Variants in KCNH5 observed in about 807,000 individuals in gnomAD.
KCNH5 encodes potassium voltage-gated channel subfamily H member 5.
A neutral mutation model predicts 96.1 loss-of-function variants in KCNH5; 46 were observed. The observed-to-expected ratio is 0.48, with a 90% CI of 0.38 to 0.61. The LOEUF is 0.61. KCNH5 is among the 20% of genes least tolerant of loss of function. The pLI is 0.00. For synonymous variants in KCNH5, 439 were observed against 449.8 expected, an observed-to-expected ratio of 0.98 and a Z score of 0.30; for missense variants, 907 against 1,225.8, an observed-to-expected ratio of 0.74 and a Z score of 3.88.
intron 7 of KCNH5, among the ~76,000 whole-genome samples, chr14:62,860,737 C>T (rs1173418124): frequency 2.6e-5 from 4 of 152,204 alleles, no homozygotes; most frequent in Non-Finnish European, 5.9e-5. Flanking sequence ...CTTAAGGCAT[C>T]ACACCCTCCT....
At chr14:62,968,698 T>A (rs1890350279) in intron 6 of KCNH5, among the ~76,000 whole-genome samples, 1 of 152,212 alleles carries the variant, frequency 6.6e-6, no homozygotes, top group Admixed American at 6.5e-5. Flanking sequence ...GGAAATGTGG[T>A]ATGCCTCATT....
rs1884476768 is a variant in KCNH5, at chr14:62,708,039, C to G, written c.2436G>C (p.Leu812=). The change falls in exon 11 of 11, where the codon CTG becomes CTC. Residue 812 remains leucine (L), a synonymous_variant. Coordinates refer to ENST00000322893, the MANE Select transcript of KCNH5 (RefSeq NM_139318.5). ...GGGCTCCCATATTATTCTTGAGTCG[C>G]AGCCACCCTTTTCCATTTCCATTCT... is the stretch of plus-strand genomic sequence containing the variant. ...RMKNGNGKGW[L]RLKNNMGAHE... 6.2e-7 allele frequency: 1 copy of G among 1,614,212 alleles called. No homozygotes were observed. The highest frequency in any genetic ancestry group is 1.3e-5 in the African/African-American group (1 of 75,036).
intron 2 of KCNH5, among the ~76,000 whole-genome samples, chr14:63,014,102 A>G (rs1021338900): frequency 6.6e-6 from 1 of 152,174 alleles, no homozygotes; most frequent in African/African-American, 2.4e-5. Context: ...CAAGTAAGTA[A>G]TAATTGTTTA....
intron 7 of KCNH5, among the ~76,000 whole-genome samples, chr14:62,875,398 A>C (rs1475653258): frequency 6.6e-6 from 1 of 152,192 alleles, no homozygotes; most frequent in Non-Finnish European, 1.5e-5. Flanking sequence ...ATCCTAAGCC[A>C]AAAGAACAAA....
intron 7 of KCNH5, among the ~76,000 whole-genome samples, chr14:62,874,365 A>C (rs1420615134): frequency 2.0e-5 from 3 of 152,220 alleles, no homozygotes; most frequent in Non-Finnish European, 2.9e-5. Context: ...ATATGTAAAA[A>C]AGCTCAACAT....
At chr14:62,854,955 T>G (rs1189277196) in intron 7 of KCNH5, among the ~76,000 whole-genome samples, 2 of 150,756 alleles carry the variant, frequency 1.3e-5, no homozygotes, top group Non-Finnish European at 3.0e-5. Context: ...ATCCCTTGAA[T>G]GTAGGCATAC....
chr14:62,931,649 A>G (rs1339826372), intron 7 of KCNH5, among the ~76,000 whole-genome samples: 2 of 152,178 alleles, frequency 1.3e-5, no homozygotes, highest in African/African-American at 4.8e-5. Context: ...TATGCAGTAC[A>G]GAGCCACTAA....
chr14:62,720,884 A>G (rs1027018280), intron 10 of KCNH5, among the ~76,000 whole-genome samples: 6 of 152,226 alleles, frequency 3.9e-5, no homozygotes, highest in Admixed American at 2.0e-4. Context: ...GCATGCACAC[A>G]CACACACTGT....
chr14:62,809,595 A>T (rs957812174), intron 8 of KCNH5, among the ~76,000 whole-genome samples: 3 of 152,116 alleles, frequency 2.0e-5, no homozygotes, highest in African/African-American at 7.2e-5. Context: ...GCTTTAAAAA[A>T]GTCTTATATG....
At chr14:62,988,958 A>G (rs1198935001) in intron 4 of KCNH5, among the ~76,000 whole-genome samples, 1 of 151,974 alleles carries the variant, frequency 6.6e-6, no homozygotes, top group Non-Finnish European at 1.5e-5. Context: ...AATGGCCCCA[A>G]GATATTTCTA....
intron 1 of KCNH5, among the ~76,000 whole-genome samples, chr14:63,037,654 G>A (rs1335624267): frequency 1.3e-5 from 2 of 152,138 alleles, no homozygotes; most frequent in African/African-American, 4.8e-5. Context: ...CAGGACAAAG[G>A]TTAACTTTTC....
rs540231418 is a variant in KCNH5 at position 62,723,844 on chromosome 14, G to T, written c.2020-15389C>A. On this transcript the variant is annotated intron_variant, in intron 10 of 10. Transcript: ENST00000322893. ...AGATATCAACTGCTTATTTTGAATT[G>T]AATGAGCATGTGTTCACCCAGGTCC... Among the ~76,000 whole-genome samples, 256 of 152,266 alleles carry T rather than the reference G, an allele frequency of 1.7e-3. 2 individuals are homozygous for T. Among genetic ancestry groups the T allele is most frequent in the African/African-American group, 6.0e-3 (251 of 41,554 alleles).
At chr14:62,815,890 C>A (rs943111260) in intron 8 of KCNH5, among the ~76,000 whole-genome samples, 1 of 151,628 alleles carries the variant, frequency 6.6e-6, no homozygotes, top group African/African-American at 2.4e-5. Flanking sequence ...CACAAAACAC[C>A]AACTGTAGAA....
chr14:62,859,679 T>C lies in KCNH5; in HGVS notation c.1370-9827A>G, dbSNP rs571853145. Among the ~76,000 whole-genome samples, 14 of 152,318 alleles carry C rather than the reference T, an allele frequency of 9.2e-5. 1 individual carries two copies. The highest frequency in any genetic ancestry group is 2.1e-4 in the Non-Finnish European group (14 of 68,024). ...GCGCATCTGGCCATTTCTCCTTCCA[T>C]GCAAAGTGCATAACCAGGTGGCCTG... On this transcript the variant is annotated intron_variant, in intron 7 of 10. Transcript: ENST00000322893.
intron 10 of KCNH5, among the ~76,000 whole-genome samples, chr14:62,774,975 A>G (rs1216433846): frequency 6.6e-6 from 1 of 152,234 alleles, no homozygotes; most frequent in Non-Finnish European, 1.5e-5. Context: ...GGAAACATAT[A>G]TTGAAATCCT....
Position 62,991,796 on chromosome 14 carries a change from T to C in KCNH5, c.434-4609A>G, listed in dbSNP as rs575706633. On this transcript the variant is annotated intron_variant, in intron 4 of 10. Transcript: ENST00000322893. ...GCACAAACCCCTGCCAAAAATGTTATTGAAAAAAGCAGAAGCCATAAGAAA... is the reference window on the plus strand; with the variant it reads ...GCACAAACCCCTGCCAAAAATGTTACTGAAAAAAGCAGAAGCCATAAGAAA... Among the ~76,000 whole-genome samples, 141 of 152,146 alleles carry C rather than the reference T, an allele frequency of 9.3e-4. 1 individual carries two copies. Among genetic ancestry groups the C allele is most frequent in the African/African-American group, 3.1e-3 (127 of 41,560 alleles).
At chr14:62,921,931 T>C (rs553158704) in intron 7 of KCNH5, among the ~76,000 whole-genome samples, 1 of 152,144 alleles carries the variant, frequency 6.6e-6, no homozygotes, top group East Asian at 1.9e-4. Context: ...ATAGTAACAA[T>C]AATTTTGTAC....
intron 6 of KCNH5, among the ~76,000 whole-genome samples, chr14:62,956,767 T>C (rs1890112441): frequency 6.6e-6 from 1 of 152,172 alleles, no homozygotes; most frequent in African/African-American, 2.4e-5. Flanking sequence ...ATTTCACTTA[T>C]ATGATACTAC....
intron 8 of KCNH5, among the ~76,000 whole-genome samples, chr14:62,833,137 TTC>T (rs1315426858): frequency 6.7e-6 from 1 of 149,290 alleles, no homozygotes; most frequent in Non-Finnish European, 1.5e-5. Flanking sequence ...AGTCCCACTA[TTC>T]TCTGTTTTTT....
Sources: allele counts gnomAD v4.1 joint callset (sites outside exome capture counted in the v4.1 genomes callset), GRCh38; gene constraint gnomAD v4.1.1; transcripts MANE v1.5; gene names NCBI Gene and HGNC (gene_info 2026-07-23, HGNC 2026-07-21).